GRID2: variants seen among roughly 807,000 people sequenced by gnomAD.
GRID2 encodes glutamate receptor ionotropic, delta-2.
Under a neutral mutation model 114.8 loss-of-function variants are expected in GRID2, and 33 were observed. The ratio of observed to expected loss-of-function variants is 0.29; its 90% CI spans 0.22 to 0.38. The LOEUF is 0.38. Among genes scored for constraint, GRID2 ranks in the 10% least tolerant of loss-of-function variants. The pLI, the probability that GRID2 is intolerant of heterozygous loss-of-function variation, is 1.00. For missense variants in GRID2, 1,184 were observed against 1,257.7 expected, an observed-to-expected ratio of 0.94 and a Z score of 0.89; for synonymous variants, 505 against 449.9, an observed-to-expected ratio of 1.12 and a Z score of -1.55.
intron 2 of GRID2, among the ~76,000 whole-genome samples, chr4:93,065,639 T>C (rs571629030): frequency 6.6e-6 from 1 of 151,998 alleles, no homozygotes; most frequent in South Asian, 2.1e-4. Flanking sequence ...AACTAAAGCT[T>C]GGGATGCAAG....
At chr4:92,870,235 C>CTA (rs546015770) in intron 2 of GRID2, among the ~76,000 whole-genome samples, 3 of 150,882 alleles carry the variant, frequency 2.0e-5, no homozygotes, top group Non-Finnish European at 4.4e-5. Context: ...TGTCTATAAA[C>CTA]TATATATATA....
intron 1 of GRID2, among the ~76,000 whole-genome samples, chr4:92,381,072 T>G (rs1049022312): frequency 6.6e-5 from 10 of 152,066 alleles, no homozygotes; most frequent in African/African-American, 2.4e-4. Flanking sequence ...ATCTTAAGCC[T>G]CTTTGAAATA....
At chr4:92,533,879 C>T (rs1725477085) in intron 1 of GRID2, among the ~76,000 whole-genome samples, 1 of 151,736 alleles carries the variant, frequency 6.6e-6, no homozygotes, top group Non-Finnish European at 1.5e-5. Context: ...TTTAGATGTT[C>T]TGTTAGCTGT....
intron 2 of GRID2, among the ~76,000 whole-genome samples, chr4:92,767,916 C>CAAA (rs750712850): frequency 8.9e-6 from 1 of 112,690 alleles, no homozygotes; most frequent in Non-Finnish European, 1.9e-5. Flanking sequence ...GCCATCATCT[C>CAAA]AAAAAAAAAA....
chr4:93,012,816 C>A (rs953457106), intron 2 of GRID2, among the ~76,000 whole-genome samples: 1 of 151,814 alleles, frequency 6.6e-6, no homozygotes, highest in African/African-American at 2.4e-5. Context: ...ACTTACTCTG[C>A]AGAAATGAGA....
intron 2 of GRID2, among the ~76,000 whole-genome samples, chr4:92,753,544 A>G (rs913675731): frequency 6.6e-6 from 1 of 152,208 alleles, no homozygotes; most frequent in African/African-American, 2.4e-5. Context: ...ATAACGAACA[A>G]AAACTTGAAT....
At position 92,324,704 on chromosome 4, in the gene GRID2, A is replaced by G. The variant is rs200820829; in HGVS notation, c.88+19960A>G. 6.6e-5 allele frequency among the ~76,000 whole-genome samples: 10 copies of G among 151,594 alleles called. No homozygotes were observed. In the East Asian group the frequency reaches 1.9e-3, roughly 29 times the overall value. On this transcript the variant is annotated intron_variant, in intron 1 of 15. Coordinates refer to ENST00000282020, the MANE Select transcript of GRID2 (RefSeq NM_001510.4). The stretch of plus-strand genomic sequence containing the variant: ...TAACAAAAAGATGTGTATATTGCAA[A>G]TGCAAATAACATCTCTATGATTTAT...
intron 1 of GRID2, among the ~76,000 whole-genome samples, chr4:92,481,256 T>C (rs972697463): frequency 2.0e-5 from 3 of 152,148 alleles, no homozygotes; most frequent in Non-Finnish European, 2.9e-5. Context: ...TGTAATCTTA[T>C]AGAGTACCCT....
chr4:92,981,166 T>A (rs1329421287), intron 2 of GRID2, among the ~76,000 whole-genome samples: 6 of 152,126 alleles, frequency 3.9e-5, no homozygotes, highest in Non-Finnish European at 8.8e-5. Flanking sequence ...CCAGTATGTA[T>A]GTATAATTTA....
intron 2 of GRID2, among the ~76,000 whole-genome samples, chr4:93,025,659 A>G (rs1239727657): frequency 2.6e-5 from 4 of 151,894 alleles, no homozygotes; most frequent in Admixed American, 6.6e-5. Flanking sequence ...CCACCGGGGC[A>G]AACTTCCTTC....
At chr4:93,687,888 A>G (rs1378347689) in intron 14 of GRID2, among the ~76,000 whole-genome samples, 1 of 152,018 alleles carries the variant, frequency 6.6e-6, no homozygotes, top group Non-Finnish European at 1.5e-5. Context: ...TCTAATGGAA[A>G]TGATCTAGTA....
At chr4:93,692,606 T>C (rs1726667204) in intron 14 of GRID2, among the ~76,000 whole-genome samples, 1 of 150,362 alleles carries the variant, frequency 6.7e-6, no homozygotes, top group South Asian at 2.1e-4. Context: ...CTTAGCCTCA[T>C]ATCATTTAGG....
intron 10 of GRID2, among the ~76,000 whole-genome samples, chr4:93,450,298 G>A (rs1580120513): frequency 6.6e-6 from 1 of 151,676 alleles, no homozygotes; most frequent in Non-Finnish European, 1.5e-5. Context: ...CAGGGAAGCA[G>A]GTATTGATTC....
chr4:92,763,320 C>T (rs1025652563), intron 2 of GRID2, among the ~76,000 whole-genome samples: 1 of 152,028 alleles, frequency 6.6e-6, no homozygotes, highest in African/African-American at 2.4e-5. Context: ...AATGATAGGA[C>T]AAGGGAAAAA....
chr4:92,818,666 T>C (rs1438714639), intron 2 of GRID2, among the ~76,000 whole-genome samples: 1 of 152,174 alleles, frequency 6.6e-6, no homozygotes, highest in Non-Finnish European at 1.5e-5. Context: ...TGAGTCGCTA[T>C]ACCATTGAAA....
chr4:92,573,675 G>T (rs1282992122), intron 1 of GRID2, among the ~76,000 whole-genome samples: 20 of 152,106 alleles, frequency 1.3e-4, no homozygotes. Flanking sequence ...TGGTCTGAGG[G>T]ACTGTTTGTT....
intron 13 of GRID2, among the ~76,000 whole-genome samples, chr4:93,551,569 T>A (rs895802687): frequency 2.6e-5 from 4 of 152,180 alleles, no homozygotes; most frequent in African/African-American, 9.7e-5. Flanking sequence ...TATGATGTAG[T>A]GTTTCATAGG....
intron 2 of GRID2, among the ~76,000 whole-genome samples, chr4:92,854,466 A>G (rs1744040633): frequency 6.6e-6 from 1 of 151,952 alleles, no homozygotes; most frequent in African/African-American, 2.4e-5. Flanking sequence ...TTCTTATACC[A>G]CAATGAGAAC....
chr4:92,677,666 G>A (rs1325313393), intron 2 of GRID2, among the ~76,000 whole-genome samples: 1 of 152,022 alleles, frequency 6.6e-6, no homozygotes, highest in Non-Finnish European at 1.5e-5. Flanking sequence ...AATGTTGGAG[G>A]CATTTTCCCT....
Sources: gnomAD v4.1 joint callset for allele counts (sites outside exome capture counted in the v4.1 genomes callset) on GRCh38, gnomAD v4.1.1 for gene constraint, MANE v1.5 for transcripts, NCBI Gene and HGNC (gene_info 2026-07-23, HGNC 2026-07-21) for gene names.